UPF2: variants seen among roughly 807,000 people sequenced by gnomAD.
UPF2 encodes the protein regulator of nonsense transcripts 2.
In UPF2, 17 loss-of-function variants were observed where a neutral mutation model predicts 141.4. The observed-to-expected ratio is 0.12, with a 90% CI of 0.08 to 0.18. The LOEUF is 0.18. Ranked by LOEUF, UPF2 falls within the 10% of genes least tolerant of loss-of-function variation. UPF2 has a pLI of 1.00. For synonymous variants in UPF2, 540 were observed against 498.0 expected (o/e 1.08, Z -1.12); for missense variants, 1,152 against 1,515.9 (o/e 0.76, Z 3.99).
At chr10:12,036,139 G>A (rs1834621984) in intron 1 of UPF2, among the ~76,000 whole-genome samples, 1 of 152,166 alleles carries the variant, frequency 6.6e-6, no homozygotes, top group South Asian at 2.1e-4. Context: ...TCAATACAGA[G>A]TAGCTATTAG....
At chr10:11,964,354 C>T (rs1270442482) in intron 10 of UPF2, among the ~76,000 whole-genome samples, 1 of 152,152 alleles carries the variant, frequency 6.6e-6, no homozygotes, top group Non-Finnish European at 1.5e-5. Context: ...GAATGTCAAA[C>T]CCCTTTCTAT....
chr10:11,960,484 C>T (rs1239840926), intron 11 of UPF2, among the ~76,000 whole-genome samples: 4 of 152,142 alleles, frequency 2.6e-5, no homozygotes, highest in African/African-American at 4.8e-5. Context: ...AGGAGGATCA[C>T]GTGAGCCCAG....
chr10:11,962,390 G>A (rs1454710237), intron 11 of UPF2, among the ~76,000 whole-genome samples: 3 of 152,064 alleles, frequency 2.0e-5, no homozygotes, highest in African/African-American at 7.2e-5. Flanking sequence ...ACCATCATCT[G>A]CTCAGATGCC....
intron 2 of UPF2, among the ~76,000 whole-genome samples, chr10:12,031,904 G>A (rs1442308933): frequency 1.3e-5 from 2 of 152,110 alleles, no homozygotes; most frequent in African/African-American, 4.8e-5. Flanking sequence ...ACAGAAAGGT[G>A]GCCTCTATCA....
At chr10:11,977,787 G>GAGCA (rs1833530539) in intron 9 of UPF2, among the ~76,000 whole-genome samples, 1 of 152,190 alleles carries the variant, frequency 6.6e-6, no homozygotes, top group Non-Finnish European at 1.5e-5. Context: ...GAGATTCACA[G>GAGCA]AGCACATTAC....
chr10:11,999,411 G>T (rs948190638), intron 7 of UPF2, among the ~76,000 whole-genome samples: 20 of 151,196 alleles, frequency 1.3e-4, no homozygotes, highest in Admixed American at 1.1e-3. Context: ...TACTCGAGAG[G>T]CTGAGGCAGG....
At chr10:11,969,208 C>T (rs1833372682) in intron 9 of UPF2, among the ~76,000 whole-genome samples, 1 of 151,576 alleles carries the variant, frequency 6.6e-6, no homozygotes, top group African/African-American at 2.4e-5. Flanking sequence ...CATACTGTTG[C>T]TCAGGCTGGA....
chr10:11,945,653 A>G (rs1832991599), intron 16 of UPF2, among the ~76,000 whole-genome samples: 1 of 152,242 alleles, frequency 6.6e-6, no homozygotes, highest in East Asian at 1.9e-4. Flanking sequence ...TACAAATGAT[A>G]TAACTATCAA....
Position 11,955,423 on chromosome 10 carries a change from C to A in UPF2, c.2659G>T (p.Ala887Ser). Residue 887 changes from alanine (A) to serine (S), a missense_variant, in exon 14 of 22, where the codon GCT becomes TCT. Physicochemically the swap from Ala to Ser is moderately conservative, Grantham distance 99 (BLOSUM62 1). Transcript: ENST00000357604. ...ELYNYRMVES[A>S]VIFRTLYSFT... The stretch of plus-strand genomic sequence containing the variant: ...GAATACAGAGTTCTGAAAATAACAG[C>A]TGATTCCACCATTCGGTAATTGTAA... 6.2e-7 allele frequency: 1 copy of A among 1,614,154 alleles called. No individual in the cohort carries two copies. The highest frequency in any genetic ancestry group is 8.5e-7 in the Non-Finnish European group (1 of 1,180,018).
chr10:12,036,764 G>A (rs929139925), intron 1 of UPF2, among the ~76,000 whole-genome samples: 2 of 152,186 alleles, frequency 1.3e-5, no homozygotes, highest in Non-Finnish European at 2.9e-5. Flanking sequence ...AGTGGCTCAT[G>A]CCTATAATCT....
chr10:12,013,334 TG>T (rs1464566620), intron 4 of UPF2, among the ~76,000 whole-genome samples: 4 of 149,466 alleles, frequency 2.7e-5, no homozygotes, highest in Non-Finnish European at 4.5e-5. Context: ...TGGAGTGCAG[TG>T]GCACAATCTC....
intron 3 of UPF2, among the ~76,000 whole-genome samples, chr10:12,024,752 G>T (rs115608951): frequency 2.2e-4 from 34 of 151,836 alleles, no homozygotes; most frequent in African/African-American, 8.2e-4. Context: ...GAGCAACATA[G>T]GGAGCTCCCT....
At chr10:11,986,096 G>C (rs556325123) in intron 8 of UPF2, among the ~76,000 whole-genome samples, 1 of 151,864 alleles carries the variant, frequency 6.6e-6, no homozygotes, top group South Asian at 2.1e-4. Context: ...GTGATAGCCA[G>C]GATGGTCTCG....
chr10:11,933,844 T>C (rs1832810836), intron 19 of UPF2, among the ~76,000 whole-genome samples: 1 of 152,222 alleles, frequency 6.6e-6, no homozygotes, highest in Non-Finnish European at 1.5e-5. Flanking sequence ...TGTTGTACAA[T>C]CTGACCTTCA....
At chr10:11,973,464 CTA>C (rs1410602688) in intron 9 of UPF2, among the ~76,000 whole-genome samples, 1 of 152,152 alleles carries the variant, frequency 6.6e-6, no homozygotes, top group Non-Finnish European at 1.5e-5. Flanking sequence ...TTGTCCATGC[CTA>C]TGTCTTGAAA....
At chr10:11,932,846 AAT>A (rs2131154917) in intron 19 of UPF2, among the ~76,000 whole-genome samples, 1 of 152,290 alleles carries the variant, frequency 6.6e-6, no homozygotes, top group South Asian at 2.1e-4. Flanking sequence ...TGTAACTATC[AAT>A]TATTCTAGTC....
chr10:12,018,900 T>C (rs983588753), intron 3 of UPF2, among the ~76,000 whole-genome samples: 2 of 152,234 alleles, frequency 1.3e-5, no homozygotes, highest in Non-Finnish European at 2.9e-5. Context: ...TTAATTGTTT[T>C]TGAAAACCCA....
intron 19 of UPF2, among the ~76,000 whole-genome samples, chr10:11,932,118 C>T: frequency 6.6e-6 from 1 of 151,460 alleles, no homozygotes; most frequent in Non-Finnish European, 1.5e-5. Context: ...CACTGCACTC[C>T]AGCCTGGGCA....
chr10:12,005,911 ACT>A (rs1834028347), intron 4 of UPF2, among the ~76,000 whole-genome samples: 2 of 150,856 alleles, frequency 1.3e-5, no homozygotes, highest in Admixed American at 1.3e-4. Context: ...ACAGGGTCTC[ACT>A]CTGCTGCCAA....
Sources: allele counts gnomAD v4.1 joint callset (sites outside exome capture counted in the v4.1 genomes callset), GRCh38; gene constraint gnomAD v4.1.1; transcripts MANE v1.5; gene names NCBI Gene and HGNC (gene_info 2026-07-23, HGNC 2026-07-21).